The following REDIC1 variants were observed in gnomAD, a reference collection of about 807,000 sequenced individuals.
REDIC1 encodes the protein HEI10 Interacting Protein 1.
At chr12:39,767,737 G>A in the REDIC1 span, among the ~76,000 whole-genome samples, 2 of 152,086 alleles carry the variant, frequency 1.3e-5, no homozygotes. Flanking sequence ...CCCAGTGGGA[G>A]GTAATTGAAT....
chr12:39,714,288 T>TATAC, the REDIC1 span, among the ~76,000 whole-genome samples: 845 of 145,164 alleles, frequency 5.8e-3, 151 homozygotes, highest in African/African-American at 0.016. Context: ...TATATACGTA[T>TATAC]ATGCATGCAT....
chr12:39,783,208 T>C, the REDIC1 span, among the ~76,000 whole-genome samples: 1 of 152,230 alleles, frequency 6.6e-6, no homozygotes, highest in Non-Finnish European at 1.5e-5. Flanking sequence ...ACTCATCCTT[T>C]TTTATAGCTG....
the REDIC1 span, among the ~76,000 whole-genome samples, chr12:39,713,567 C>G: frequency 2.6e-3 from 381 of 148,770 alleles, 1 homozygote; most frequent in African/African-American, 8.5e-3. Flanking sequence ...TACATGTGTA[C>G]GCGTACATAT....
At chr12:39,836,281 C>A in the REDIC1 span, among the ~76,000 whole-genome samples, 1 of 152,074 alleles carries the variant, frequency 6.6e-6, no homozygotes, top group African/African-American at 2.4e-5. Context: ...GAACTGAATG[C>A]AGATATATTA....
the REDIC1 span, among the ~76,000 whole-genome samples, chr12:39,630,018 CCTA>C: frequency 1.3e-5 from 2 of 151,920 alleles, no homozygotes. Flanking sequence ...GACTTAGTGA[CCTA>C]CACCTCTCAC....
the REDIC1 span, among the ~76,000 whole-genome samples, chr12:39,653,561 C>CTTCT: frequency 2.5e-5 from 2 of 80,080 alleles, no homozygotes; most frequent in African/African-American, 8.0e-5. Context: ...CTTCTTCTTT[C>CTTCT]TTCTTCTTCT....
chr12:39,680,768 GCA>G, the REDIC1 span, among the ~76,000 whole-genome samples: 74 of 149,796 alleles, frequency 4.9e-4, no homozygotes, highest in Middle Eastern at 3.4e-3. Flanking sequence ...AAATACATAC[GCA>G]CACACACACA....
chr12:39,840,670 GCAGAAT>G, the REDIC1 span, among the ~76,000 whole-genome samples: 4 of 152,026 alleles, frequency 2.6e-5, no homozygotes, highest in South Asian at 4.1e-4. Context: ...CCTGACCCCA[GCAGAAT>G]CAGAGGCATC....
chr12:39,814,383 G>A, the REDIC1 span, among the ~76,000 whole-genome samples: 1 of 152,158 alleles, frequency 6.6e-6, no homozygotes, highest in Non-Finnish European at 1.5e-5. Context: ...AGAGAGTAAA[G>A]AGAAAACATC....
the REDIC1 span, among the ~76,000 whole-genome samples, chr12:39,891,961 T>C: frequency 6.6e-6 from 1 of 152,178 alleles, no homozygotes; most frequent in Non-Finnish European, 1.5e-5. Context: ...TTGGGAAATA[T>C]GGTTATCTGA....
At chr12:39,719,364 T>C in the REDIC1 span, among the ~76,000 whole-genome samples, 1 of 152,138 alleles carries the variant, frequency 6.6e-6, no homozygotes, top group Admixed American at 6.6e-5. Flanking sequence ...TGTTGGTTCA[T>C]GCTTGTAATC....
chr12:39,687,790 T>A, the REDIC1 span, among the ~76,000 whole-genome samples: 1 of 152,256 alleles, frequency 6.6e-6, no homozygotes, highest in African/African-American at 2.4e-5. Flanking sequence ...TATGTAATGT[T>A]ATAATCCCTT....
the REDIC1 span, among the ~76,000 whole-genome samples, chr12:39,775,306 G>A: frequency 6.6e-6 from 1 of 152,196 alleles, no homozygotes; most frequent in Non-Finnish European, 1.5e-5. Flanking sequence ...CTTAGGTAAC[G>A]TAAGTTACTT....
chr12:39,701,402 A>G, the REDIC1 span, among the ~76,000 whole-genome samples: 1 of 152,212 alleles, frequency 6.6e-6, no homozygotes, highest in African/African-American at 2.4e-5. Flanking sequence ...CTAAATATAT[A>G]TGCACCCAAT....
At chr12:39,716,552 CT>C in the REDIC1 span, among the ~76,000 whole-genome samples, 1 of 151,946 alleles carries the variant, frequency 6.6e-6, no homozygotes, top group African/African-American at 2.4e-5. Context: ...AGCTACAAAT[CT>C]TTTAAGGGTA....
chr12:39,895,547 T>C, the REDIC1 span, among the ~76,000 whole-genome samples: 867 of 83,824 alleles, frequency 0.01, 134 homozygotes, highest in African/African-American at 0.031. Flanking sequence ...TATATATATA[T>C]ATATACACAC....
chr12:39,665,167 T>C, the REDIC1 span, among the ~76,000 whole-genome samples: 1 of 152,028 alleles, frequency 6.6e-6, no homozygotes, highest in African/African-American at 2.4e-5. Flanking sequence ...TCCTGAATGG[T>C]ATTGCCTAGG....
chr12:39,810,342 G>T, the REDIC1 span, among the ~76,000 whole-genome samples: 1 of 152,070 alleles, frequency 6.6e-6, no homozygotes, highest in Non-Finnish European at 1.5e-5. Context: ...GTTAGTAATA[G>T]AAATAAAATA....
At chr12:39,726,524 T>C in the REDIC1 span, among the ~76,000 whole-genome samples, 1 of 152,230 alleles carries the variant, frequency 6.6e-6, no homozygotes, top group Non-Finnish European at 1.5e-5. Context: ...TAGTATTCCA[T>C]GGTGTATATG....
Sources: allele counts gnomAD v4.1 joint callset (sites outside exome capture counted in the v4.1 genomes callset), GRCh38; gene constraint gnomAD v4.1.1; transcripts MANE v1.5; gene names NCBI Gene and HGNC (gene_info 2026-07-23, HGNC 2026-07-21).